IQSEC1: variants seen among roughly 807,000 people sequenced by gnomAD.
IQSEC1 encodes IQ motif and SEC7 domain-containing protein 1.
A neutral mutation model predicts 91.0 loss-of-function variants in IQSEC1; 31 were observed. The ratio of observed to expected loss-of-function variants is 0.34; its 90% confidence interval spans 0.26 to 0.46. The LOEUF is 0.46. Ranked by LOEUF, IQSEC1 falls within the 20% of genes least tolerant of loss-of-function variation. The pLI, the probability that IQSEC1 is intolerant of heterozygous loss-of-function variation, is 1.00. For missense variants in IQSEC1, 1,388 were observed against 1,575.6 expected (o/e 0.88, Z 2.02); for synonymous variants, 699 against 662.6 (o/e 1.05, Z -0.84).
intron 1 of IQSEC1, among the ~76,000 whole-genome samples, chr3:12,959,628 A>G (rs1297968251): frequency 2.0e-5 from 3 of 152,214 alleles, no homozygotes; most frequent in Non-Finnish European, 4.4e-5. Context: ...GGGCTGTTCA[A>G]GAGACACTGT....
intron 1 of IQSEC1, among the ~76,000 whole-genome samples, chr3:13,005,133 C>G (rs1357355050): frequency 6.6e-6 from 1 of 152,192 alleles, no homozygotes; most frequent in Non-Finnish European, 1.5e-5. Flanking sequence ...GTTTTTCAAT[C>G]TTGGATATTA....
rs548829437 is a variant in IQSEC1, at chr3:13,045,895, C to T, written c.23+27097G>A. ...GAGAGTGTGTGTACCAGTGTGAGCC[C>T]GCAAGCACATATGTGTCAAAATGGG... is the stretch of plus-strand genomic sequence containing the variant. On this transcript the variant is annotated intron_variant, in intron 1 of 13. Transcript: ENST00000613206. 5.9e-5 allele frequency among the ~76,000 whole-genome samples: 9 copies of T among 152,328 alleles called. No homozygotes were observed. The East Asian group carries it at 1.5e-3, about 26-fold the overall frequency.
At chr3:13,216,351 G>A (rs556791050) in intron 1 of IQSEC1, among the ~76,000 whole-genome samples, 1 of 152,342 alleles carries the variant, frequency 6.6e-6, no homozygotes, top group East Asian at 1.9e-4. Context: ...GGTCAAATAT[G>A]TTTAGGACTC....
At chr3:13,165,578 G>GTGTCTGTC (rs1175748332) in intron 1 of IQSEC1, among the ~76,000 whole-genome samples, 6,995 of 103,438 alleles carry the variant, frequency 0.068, 506 homozygotes, top group East Asian at 0.1. Flanking sequence ...GTGTGTGTGT[G>GTGTCTGTC]TGTCTGTCTG....
intron 2 of IQSEC1, among the ~76,000 whole-genome samples, chr3:13,097,932 G>A (rs187051170): frequency 6.6e-6 from 1 of 152,358 alleles, no homozygotes; most frequent in East Asian, 1.9e-4. Context: ...AGGGGTGCAT[G>A]GAAGGCCCTG....
intron 1 of IQSEC1, among the ~76,000 whole-genome samples, chr3:13,037,606 C>T (rs1356046994): frequency 6.6e-6 from 1 of 152,152 alleles, no homozygotes; most frequent in Non-Finnish European, 1.5e-5. Context: ...CAGGTGGGAA[C>T]AACACAAGCG....
At position 12,908,459 on chromosome 3, in the gene IQSEC1, T is replaced by G; in HGVS notation, c.2645A>C (p.Glu882Ala). 6.2e-7 allele frequency: 1 copy of G among 1,613,586 alleles called. No homozygotes were observed. The highest frequency in any genetic ancestry group is 8.5e-7 in the Non-Finnish European group (1 of 1,180,028). Residue 882 changes from glutamate to alanine, a missense_variant, in exon 12 of 14, where the codon GAG (glutamate) becomes GCG (alanine). Physicochemically the swap from Glu to Ala is moderately radical, Grantham distance 107. Coordinates refer to ENST00000613206, the MANE Select transcript of IQSEC1 (RefSeq NM_001134382.3). The surrounding 1 kb of genome is among the most constrained non-coding windows in gnomAD (Gnocchi z 4.9). ...CCGGCTCAGTGTTCCGTTGCCCGAC[T>G]CCTTTTTGAGGCTAGAGCACTGGGA... ...SMSQCSSLKK[E>A]SGNGTLSRAC...
Position 12,922,377 on chromosome 3 carries a change from C to G in IQSEC1, c.1731-135G>C. ...AGGGAGAGCCCCTGCCTGACTCCGACCAATCAGCCAAGAGCCCTCAGAATG... is the reference window on the plus strand; with the variant it reads ...AGGGAGAGCCCCTGCCTGACTCCGAGCAATCAGCCAAGAGCCCTCAGAATG... On this transcript the variant is annotated intron_variant, in intron 4 of 13. Transcript: ENST00000613206. This position sits in a 1 kb window ranked among gnomAD's most constrained non-coding sequence, Gnocchi z 5.1. The G allele has an allele frequency of 9.0e-7, 1 of 1,108,376 alleles. No individual in the cohort carries two copies. Among genetic ancestry groups the G allele is most frequent in the Non-Finnish European group, 1.2e-6 (1 of 819,240 alleles). The allele number at this position is 1,108,376 out of a possible 1,614,324, so 68.7% of individuals were successfully genotyped here.
chr3:13,144,660 C>G (rs1706858590), intron 2 of IQSEC1, among the ~76,000 whole-genome samples: 1 of 152,224 alleles, frequency 6.6e-6, no homozygotes, highest in Non-Finnish European at 1.5e-5. Flanking sequence ...TCCATGCTGC[C>G]CCTGAAACTC....
intron 2 of IQSEC1, among the ~76,000 whole-genome samples, chr3:13,137,028 C>T (rs903727859): frequency 3.9e-5 from 6 of 152,074 alleles, no homozygotes; most frequent in East Asian, 1.9e-4. Flanking sequence ...TCCCTGTATT[C>T]GGGAGGCTGA....
intron 1 of IQSEC1, among the ~76,000 whole-genome samples, chr3:12,975,374 A>G (rs1576090487): frequency 6.6e-6 from 1 of 150,994 alleles, no homozygotes; most frequent in South Asian, 2.1e-4. Flanking sequence ...TCCTTTCCCA[A>G]CTCTCTGCCT....
At position 12,900,826 on chromosome 3, in the gene IQSEC1, C is replaced by G. The variant is rs1009177262; in HGVS notation, c.*157G>C. ...GGGCCTTTGTTCCACACAACACCAG[C>G]CCTGTGGGCTCCTGGGGCTCCGGTT... On this transcript the variant is annotated 3_prime_UTR_variant, in exon 14 of 14. Coordinates refer to ENST00000613206, the MANE Select transcript of IQSEC1 (RefSeq NM_001134382.3). 5 of 1,505,540 alleles carry G rather than the reference C, an allele frequency of 3.3e-6. No individual in the cohort carries two copies. The highest frequency in any genetic ancestry group is 4.2e-5 in the Admixed American group (2 of 47,550). The allele number at this position is 1,505,540 out of a possible 1,614,324, so 93.3% of individuals were successfully genotyped here.
chr3:13,188,721 T>C (rs550195988), intron 1 of IQSEC1, among the ~76,000 whole-genome samples: 1 of 152,300 alleles, frequency 6.6e-6, no homozygotes, highest in South Asian at 2.1e-4. Flanking sequence ...AGAAGTCCTC[T>C]TTCACCGCAG....
At chr3:13,240,864 A>G (rs1695010412) in intron 1 of IQSEC1, among the ~76,000 whole-genome samples, 1 of 152,208 alleles carries the variant, frequency 6.6e-6, no homozygotes, top group African/African-American at 2.4e-5. Context: ...ACGTTCATTG[A>G]TTTGGAGTAC....
At chr3:12,913,769 C>T (rs757109093) in intron 8 of IQSEC1, among the ~76,000 whole-genome samples, 5 of 152,208 alleles carry the variant, frequency 3.3e-5, no homozygotes, top group African/African-American at 4.8e-5. Context: ...TTTAAAATCC[C>T]GTATCTCTGC....
At chr3:13,050,185 G>C (rs1363722529) in intron 1 of IQSEC1, among the ~76,000 whole-genome samples, 3 of 151,888 alleles carry the variant, frequency 2.0e-5, no homozygotes, top group Non-Finnish European at 4.4e-5. Flanking sequence ...CCCTCCCTCT[G>C]TCAACTGCCT....
chr3:13,075,600 A>G (rs568491738), upstream of IQSEC1, among the ~76,000 whole-genome samples: 4 of 152,192 alleles, frequency 2.6e-5, no homozygotes, highest in Admixed American at 6.5e-5. Flanking sequence ...TTCTTCTTAT[A>G]AACGTACTCT....
intron 3 of IQSEC1, among the ~76,000 whole-genome samples, chr3:12,925,744 C>T (rs561288691): frequency 6.1e-4 from 93 of 152,314 alleles, no homozygotes; most frequent in African/African-American, 1.9e-3. Flanking sequence ...GCATAGGGCA[C>T]GGCATGTGTG....
intron 1 of IQSEC1, among the ~76,000 whole-genome samples, chr3:13,200,291 C>A (rs1055265061): frequency 2.0e-5 from 3 of 152,070 alleles, no homozygotes; most frequent in Non-Finnish European, 2.9e-5. Flanking sequence ...ATACTCCCCC[C>A]CCTTATCATT....
Sources: allele counts gnomAD v4.1 joint callset (sites outside exome capture counted in the v4.1 genomes callset), GRCh38; gene constraint gnomAD v4.1.1; non-coding constraint Gnocchi (gnomAD v3.1); transcripts MANE v1.5; gene names NCBI Gene and HGNC (gene_info 2026-07-23, HGNC 2026-07-21).